AQR: variants seen among roughly 807,000 people sequenced by gnomAD.
The protein encoded by AQR is aquarius intron-binding spliceosomal factor.
A neutral mutation model predicts 180.5 loss-of-function variants in AQR; 61 were observed. That is an observed-to-expected ratio of 0.34 (90% CI 0.28 to 0.42). The LOEUF is 0.42. Ranked by LOEUF, AQR falls within the 10% of genes least tolerant of loss-of-function variation. The pLI, the probability that AQR is intolerant of heterozygous loss-of-function variation, is 1.00. For synonymous variants in AQR, 551 were observed against 588.8 expected, an observed-to-expected ratio of 0.94 and a Z score of 0.93; for missense variants, 1,281 against 1,798.3, an observed-to-expected ratio of 0.71 and a Z score of 5.20.
chr15:34,891,049 G>C (rs1444887084), intron 23 of AQR, among the ~76,000 whole-genome samples: 1 of 152,080 alleles, frequency 6.6e-6, no homozygotes, highest in Non-Finnish European at 1.5e-5. Flanking sequence ...ACTTTCACTA[G>C]TCCAACCCTG....
intron 9 of AQR, among the ~76,000 whole-genome samples, chr15:34,935,861 G>A (rs1227350069): frequency 1.3e-5 from 2 of 152,102 alleles, no homozygotes; most frequent in African/African-American, 2.4e-5. Context: ...AAATCCATTC[G>A]AACCAACCTT....
At chr15:34,865,496 C>G (rs1892728277) in intron 32 of AQR, among the ~76,000 whole-genome samples, 1 of 152,150 alleles carries the variant, frequency 6.6e-6, no homozygotes, top group Non-Finnish European at 1.5e-5. Flanking sequence ...GGAAAACAGT[C>G]TAACAGTTCC....
rs146937055 is a variant in AQR, at chr15:34,856,772, T to G, written c.*20A>C. ...GACTTTTTGACTGCCATGTCCTCCT[T>G]TAGAAGGACTACAGTTTGGCTACTT... is the stretch of plus-strand genomic sequence containing the variant. On this transcript the variant is annotated 3_prime_UTR_variant, in exon 35 of 35. Coordinates refer to ENST00000156471, the MANE Select transcript of AQR (RefSeq NM_014691.3). 2,558 of 1,493,098 alleles carry G rather than the reference T, an allele frequency of 1.7e-3. 11 individuals are homozygous for G. Among genetic ancestry groups the G allele is most frequent in the South Asian group, 9.2e-3 (640 of 69,456 alleles). 92.5% of individuals were successfully genotyped at this position (1,493,098 alleles called of 1,614,324 possible).
At position 34,867,485 on chromosome 15, in the gene AQR, A is replaced by G. The variant is rs777055743; in HGVS notation, c.3854+39T>C. 6 of 1,529,730 alleles carry G rather than the reference A, an allele frequency of 3.9e-6. No homozygotes were observed. The African/African-American group carries it at 6.8e-5, about 17-fold the overall frequency. 94.8% of individuals were successfully genotyped at this position (1,529,730 alleles called of 1,614,324 possible). ...GAATTTCAAAATTGAAGTAGATAGT[A>G]AAGTTCAATAAATATTATGAAAGTT... On this transcript the variant is annotated intron_variant, in intron 32 of 34. Coordinates refer to ENST00000156471, the MANE Select transcript of AQR (RefSeq NM_014691.3).
intron 12 of AQR, among the ~76,000 whole-genome samples, chr15:34,927,758 CG>C (rs771665843): frequency 5.9e-5 from 9 of 152,162 alleles, no homozygotes; most frequent in Non-Finnish European, 1.2e-4. Context: ...AGAAAAGATC[CG>C]GAAGTTTTCA....
At chr15:34,885,584 T>C (rs764419770) in intron 25 of AQR, among the ~76,000 whole-genome samples, 2 of 152,182 alleles carry the variant, frequency 1.3e-5, no homozygotes, top group African/African-American at 2.4e-5. Context: ...CCCAAATTTA[T>C]TACATAAACC....
rs1324594409 is a variant in AQR, at chr15:34,930,389, C to A, written c.901-18G>T. The A allele has an allele frequency of 2.9e-6, 4 of 1,372,728 alleles. No individual in the cohort carries two copies. The African/African-American group carries it at 5.7e-5, about 20-fold the overall frequency. 85.0% of individuals were successfully genotyped at this position (1,372,728 alleles called of 1,614,324 possible). On this transcript the variant is annotated intron_variant, in intron 11 of 34. Coordinates refer to ENST00000156471, the MANE Select transcript of AQR (RefSeq NM_014691.3). Reference sequence around the variant, plus strand: ...TCCAAAAGCTGAAGAAACACATTTACATGTATAAATCATATGAACATAAGG... The same window carrying A: ...TCCAAAAGCTGAAGAAACACATTTAAATGTATAAATCATATGAACATAAGG...
rs187418777 is a variant in AQR at position 34,955,079 on chromosome 15, C to T, written c.174-2159G>A. ...CGGAGGTTGCAGTGGGCTGAGATTG[C>T]GCCACTGCACTCCAGCCCAGGTGAC... is the stretch of plus-strand genomic sequence containing the variant. On this transcript the variant is annotated intron_variant, in intron 3 of 34. Coordinates refer to ENST00000156471, the MANE Select transcript of AQR (RefSeq NM_014691.3). Among the ~76,000 whole-genome samples, 632 of 152,122 alleles carry T rather than the reference C, an allele frequency of 4.2e-3. 1 individual carries two copies. The highest frequency in any genetic ancestry group is 0.01 in the African/African-American group (423 of 41,500).
intron 9 of AQR, among the ~76,000 whole-genome samples, chr15:34,935,284 C>G (rs1893929063): frequency 1.3e-5 from 2 of 151,930 alleles, no homozygotes; most frequent in African/African-American, 4.8e-5. Flanking sequence ...TAATTACAAC[C>G]TTGGGGCATG....
chr15:34,887,705 T>A (rs1254740834), intron 24 of AQR, among the ~76,000 whole-genome samples: 1 of 152,232 alleles, frequency 6.6e-6, no homozygotes, highest in Non-Finnish European at 1.5e-5. Flanking sequence ...ATCACTGTTG[T>A]TCCCATGTTT....
chr15:34,861,004 C>T lies in AQR; in HGVS notation c.4030-849G>A, dbSNP rs141314614. ...AGAATTTGCACTTCTTTTTAAACCA[C>T]CCTAAAATAGAGATTAACAACTTTC... is the stretch of plus-strand genomic sequence containing the variant. On this transcript the variant is annotated intron_variant, in intron 33 of 34. Transcript: ENST00000156471. Among the ~76,000 whole-genome samples the T allele has an allele frequency of 4.8e-3, 734 of 152,148 alleles. 4 individuals are homozygous for T. Among genetic ancestry groups the T allele is most frequent in the Middle Eastern group, 0.024 (7 of 294 alleles).
intron 20 of AQR, among the ~76,000 whole-genome samples, chr15:34,897,947 A>G (rs1030148466): frequency 6.6e-6 from 1 of 152,234 alleles, no homozygotes; most frequent in African/African-American, 2.4e-5. Context: ...TTAAAGAAAC[A>G]TTAAATATTA....
At chr15:34,893,491 GA>G (rs1893181085) in intron 23 of AQR, among the ~76,000 whole-genome samples, 171 bp downstream of exon 23, 1 of 152,068 alleles carries the variant, frequency 6.6e-6, no homozygotes, top group Non-Finnish European at 1.5e-5. Flanking sequence ...GCCAGGCTCA[GA>G]AAAATGGAGA....
intron 9 of AQR, among the ~76,000 whole-genome samples, chr15:34,936,687 G>A (rs1296695667): frequency 6.6e-6 from 1 of 151,302 alleles, no homozygotes; most frequent in Non-Finnish European, 1.5e-5. Flanking sequence ...CTGCACTCCA[G>A]CCTGGGAGAC....
At chr15:34,939,810 C>T (rs1459850659) in intron 8 of AQR, among the ~76,000 whole-genome samples, 2 of 152,182 alleles carry the variant, frequency 1.3e-5, no homozygotes, top group Admixed American at 1.3e-4. Context: ...CTGAGCTATG[C>T]TAAACACTTC....
At chr15:34,910,407 GCTAGT>G in intron 16 of AQR, 94 bp from the exon 17 acceptor site, 1 of 1,341,420 alleles carries the variant, frequency 7.5e-7, no homozygotes, top group Non-Finnish European at 1.0e-6. Flanking sequence ...ATACTGTTCA[GCTAGT>G]ATTTAAGTCC....
At chr15:34,921,566 C>T (rs1893685922) in intron 13 of AQR, among the ~76,000 whole-genome samples, 1 of 151,606 alleles carries the variant, frequency 6.6e-6, no homozygotes, top group South Asian at 2.1e-4. Context: ...TATTTGCTGT[C>T]AATGATAAAA....
intron 9 of AQR, among the ~76,000 whole-genome samples, chr15:34,938,416 C>T (rs556876594): frequency 1.1e-3 from 170 of 152,168 alleles, no homozygotes; most frequent in Non-Finnish European, 2.2e-3. Context: ...CCCTGTAATC[C>T]CAGCTACTCG....
At chr15:34,916,898 A>AAAAG (rs1235734229) in intron 15 of AQR, among the ~76,000 whole-genome samples, 10 of 121,324 alleles carry the variant, frequency 8.2e-5, no homozygotes, top group African/African-American at 2.0e-4. Flanking sequence ...AAAAAAAAAA[A>AAAAG]AAAGAAAGAA....
Sources: allele counts gnomAD v4.1 joint callset (sites outside exome capture counted in the v4.1 genomes callset), GRCh38; gene constraint gnomAD v4.1.1; transcripts MANE v1.5; gene names NCBI Gene and HGNC (gene_info 2026-07-23, HGNC 2026-07-21).